CNOT1: variants seen among roughly 807,000 people sequenced by gnomAD.
CNOT1 encodes CCR4-associated factor 1.
CNOT1 carries 15 observed loss-of-function variants against 273.8 expected under a neutral mutation model. That is an observed-to-expected ratio of 0.05 (90% CI 0.04 to 0.08). The LOEUF (loss-of-function observed/expected upper bound fraction) is 0.08. CNOT1 is among the 10% of genes least tolerant of loss of function. The pLI is 1.00. For missense variants in CNOT1, 1,644 were observed against 2,912.2 expected (o/e 0.56, Z 10.02); for synonymous variants, 1,022 against 1,005.5 (o/e 1.02, Z -0.31).
rs757398719 is a variant in CNOT1, at chr16:58,547,279, T to C, written c.3657A>G (p.Ser1219=). ...PILHTDLDVK[S]LLLEAYVKGQ... is the part of the protein sequence containing the mutation. ...CTTTAACATAAGCCTCTAGCAGCAA[T>C]GATTTCACATCCAAGTCCTAGAATA... The change falls in exon 27 of 49, where the codon TCA becomes TCG. Residue 1219 remains serine (S), a synonymous_variant. Transcript: ENST00000317147. The surrounding 1 kb of genome is among the most constrained non-coding windows in gnomAD (Gnocchi z 4.0). The C allele has an allele frequency of 1.9e-6, 3 of 1,613,868 alleles. No individual in the cohort carries two copies. The highest frequency in any genetic ancestry group is 3.3e-5 in the Admixed American group (2 of 60,010).
intron 1 of CNOT1, among the ~76,000 whole-genome samples, chr16:58,609,913 CAT>C: frequency 6.6e-6 from 1 of 151,320 alleles, no homozygotes; most frequent in Non-Finnish European, 1.5e-5. Context: ...ATGTTACTAA[CAT>C]ATACATTATC....
At chr16:58,565,247 G>C (rs2040999623) in intron 16 of CNOT1, among the ~76,000 whole-genome samples, 1 of 151,944 alleles carries the variant, frequency 6.6e-6, no homozygotes, top group Admixed American at 6.6e-5. Context: ...CCAGCTGCTG[G>C]GACTCCACGC....
intron 25 of CNOT1, chr16:58,548,497 A>T (rs750002982): frequency 1.9e-6 from 1 of 514,570 alleles, no homozygotes; most frequent in Non-Finnish European, 3.9e-6. Flanking sequence ...AACGAAATAG[A>T]GCCATGTTCC....
chr16:58,540,380 G>A (rs1002127299), intron 34 of CNOT1, among the ~76,000 whole-genome samples: 4 of 152,208 alleles, frequency 2.6e-5, no homozygotes, highest in Admixed American at 6.5e-5. Context: ...TAAGAATACA[G>A]CATTACTTCT....
At chr16:58,590,464 T>C (rs904495374) in intron 2 of CNOT1, among the ~76,000 whole-genome samples, 1 of 152,146 alleles carries the variant, frequency 6.6e-6, no homozygotes, top group Non-Finnish European at 1.5e-5. Flanking sequence ...CATGGTGATA[T>C]ACACCTATAA....
chr16:58,538,058 T>C lies in CNOT1; in HGVS notation c.5247A>G (p.Ser1749=), dbSNP rs1392861707. 2.5e-6 allele frequency: 4 copies of C among 1,614,200 alleles called. No homozygotes were observed. Among genetic ancestry groups the C allele is most frequent in the Admixed American group, 1.7e-5 (1 of 60,026 alleles). Residue 1749 remains serine, a splice_region_variant and synonymous_variant, in exon 38 of 49, where the codon TCA becomes TCG. Transcript: ENST00000317147. ...CCATGTAGTTTAAGCCATTCTCCAT[T>C]GACTGGCAACACAGAAAACATAATG... ...MQQYDLHLAQ[S]MENGLNYMAV...
intron 10 of CNOT1, 108 bp downstream of exon 10, chr16:58,582,683 ACT>A: frequency 1.4e-6 from 1 of 691,932 alleles, no homozygotes; most frequent in Admixed American, 2.4e-5. Flanking sequence ...TAACTTGGAC[ACT>A]TTATTACTTT....
chr16:58,564,807 G>A (rs951582235), intron 16 of CNOT1, among the ~76,000 whole-genome samples: 8 of 152,020 alleles, frequency 5.3e-5, no homozygotes, highest in East Asian at 1.9e-4. Flanking sequence ...GTGGTGGCGC[G>A]CACCTGTAAT....
At position 58,549,155 on chromosome 16, in the gene CNOT1, G is replaced by A. The variant is rs113499384; in HGVS notation, c.3522+564C>T. Among the ~76,000 whole-genome samples the A allele has an allele frequency of 2.7e-3, 417 of 151,902 alleles. 2 individuals carry two copies. The highest frequency in any genetic ancestry group is 9.4e-3 in the African/African-American group (388 of 41,428). The stretch of plus-strand genomic sequence containing the variant: ...AATATAAAAATTAGCTGGGCATGGC[G>A]GTACAACTATAATCCCAGCTACTCG... On this transcript the variant is annotated intron_variant, in intron 25 of 48. Transcript: ENST00000317147.
chr16:58,615,184 G>A lies in CNOT1; in HGVS notation c.-175+14544C>T, dbSNP rs2043032740. On this transcript the variant is annotated intron_variant, in intron 1 of 48. Transcript: ENST00000317147. ...GTGGATTTCCTGTCTAGCACATGGA[G>A]AATCCATTTCAGAATTTTGAATCTT... Among the ~76,000 whole-genome samples the A allele has an allele frequency of 1.6e-5, 2 of 125,102 alleles. 1 individual carries two copies. Among genetic ancestry groups the A allele is most frequent in the Admixed American group, 1.6e-4 (2 of 12,592 alleles). The allele number at this position is 125,102 out of a possible 152,430, so 82.1% of individuals were successfully genotyped here.
At chr16:58,558,870 G>A (rs2040731687) in intron 17 of CNOT1, among the ~76,000 whole-genome samples, 196 bp from the exon 18 acceptor site, 1 of 152,104 alleles carries the variant, frequency 6.6e-6, no homozygotes, top group South Asian at 2.1e-4. Flanking sequence ...ATACAGAATA[G>A]GTTTAAAGAG....
intron 16 of CNOT1, among the ~76,000 whole-genome samples, chr16:58,568,207 G>GA (rs2151953901): frequency 6.6e-6 from 1 of 151,826 alleles, no homozygotes; most frequent in South Asian, 2.1e-4. Context: ...CTCTACTAAA[G>GA]AAAATACAAA....
At chr16:58,563,184 G>A (rs923761985) in intron 16 of CNOT1, among the ~76,000 whole-genome samples, 3 of 152,042 alleles carry the variant, frequency 2.0e-5, no homozygotes, top group Admixed American at 6.6e-5. Flanking sequence ...ATGGTATATG[G>A]GACCACATAT....
At chr16:58,612,636 G>A (rs781027578) in intron 1 of CNOT1, among the ~76,000 whole-genome samples, 1 of 152,148 alleles carries the variant, frequency 6.6e-6, no homozygotes, top group Non-Finnish European at 1.5e-5. Flanking sequence ...CTACTCAGGA[G>A]GCTGAGGCAG....
chr16:58,554,808 C>T (rs1043462248), intron 21 of CNOT1, among the ~76,000 whole-genome samples: 2 of 151,694 alleles, frequency 1.3e-5, no homozygotes, highest in African/African-American at 4.8e-5. Flanking sequence ...CAGTGGCACG[C>T]GTCTGTAATC....
chr16:58,629,418 G>A (rs2043732940), intron 1 of CNOT1, among the ~76,000 whole-genome samples: 1 of 152,112 alleles, frequency 6.6e-6, no homozygotes, highest in South Asian at 2.1e-4. Flanking sequence ...CGCCGCTGCC[G>A]CCCCCTGAGC....
chr16:58,558,955 A>AT (rs1384165356), intron 17 of CNOT1, among the ~76,000 whole-genome samples: 1 of 152,204 alleles, frequency 6.6e-6, no homozygotes, highest in Non-Finnish European at 1.5e-5. Context: ...TCAATTTTGG[A>AT]TTTTAGAATA....
chr16:58,579,776 ATTC>A (rs1266619295), intron 12 of CNOT1, among the ~76,000 whole-genome samples: 1 of 152,194 alleles, frequency 6.6e-6, no homozygotes, highest in Non-Finnish European at 1.5e-5. Flanking sequence ...TACTTGTACC[ATTC>A]TTTCTTCACA....
At chr16:58,565,895 G>A (rs759037649) in intron 16 of CNOT1, among the ~76,000 whole-genome samples, 7 of 150,072 alleles carry the variant, frequency 4.7e-5, no homozygotes, top group Non-Finnish European at 7.4e-5. Context: ...AGCCGAGTTC[G>A]CACCACTGCA....
Sources: allele counts gnomAD v4.1 joint callset (sites outside exome capture counted in the v4.1 genomes callset), GRCh38; gene constraint gnomAD v4.1.1; non-coding constraint Gnocchi (gnomAD v3.1); transcripts MANE v1.5; gene names NCBI Gene and HGNC (gene_info 2026-07-23, HGNC 2026-07-21).